The following PDE8B variants were observed in gnomAD, a reference collection of about 807,000 sequenced individuals.
PDE8B encodes the protein phosphodiesterase 8B, also known as high affinity cAMP-specific and IBMX-insensitive 3',5'-cyclic phosphodiesterase 8B.
Under a neutral mutation model 101.3 loss-of-function variants are expected in PDE8B, and 26 were observed. That is an observed-to-expected ratio of 0.26 (90% CI 0.19 to 0.36). The LOEUF is 0.36. Among genes scored for constraint, PDE8B ranks in the 10% least tolerant of loss-of-function variants. PDE8B has a pLI of 1.00. For synonymous variants in PDE8B, 424 were observed against 429.3 expected, an observed-to-expected ratio of 0.99 and a Z score of 0.15; for missense variants, 810 against 1,163.1, an observed-to-expected ratio of 0.70 and a Z score of 4.42.
chr5:77,212,639 G>C (rs1293818771), intron 1 of PDE8B, among the ~76,000 whole-genome samples: 1 of 152,138 alleles, frequency 6.6e-6, no homozygotes, highest in Non-Finnish European at 1.5e-5. Context: ...TCTTAGCATA[G>C]CATGTCTGAA....
intron 10 of PDE8B, among the ~76,000 whole-genome samples, chr5:77,365,103 C>T (rs1023467128): frequency 2.0e-5 from 3 of 152,166 alleles, no homozygotes; most frequent in African/African-American, 7.2e-5. Flanking sequence ...ACAGCAGCTC[C>T]TTCAGCACCT....
the PDE8B span, chr5:77,145,531 G>C: frequency 1.3e-5 from 2 of 152,120 alleles, no homozygotes; most frequent in Non-Finnish European, 2.9e-5. Flanking sequence ...TCATACAAAG[G>C]GCCCTCTCCA....
chr5:77,290,304 T>C (rs1266923602), intron 1 of PDE8B: 52 of 1,539,054 alleles, frequency 3.4e-5, no homozygotes, highest in Non-Finnish European at 4.4e-5. Flanking sequence ...CCAGTATGCA[T>C]GGCTGAAAGA....
chr5:77,099,980 T>A, the PDE8B span, among the ~76,000 whole-genome samples: 1 of 152,214 alleles, frequency 6.6e-6, no homozygotes, highest in Non-Finnish European at 1.5e-5. Flanking sequence ...GCTCTTTTCC[T>A]ATGGAAATCA....
chr5:77,393,904 T>A (rs985814747), intron 10 of PDE8B, among the ~76,000 whole-genome samples: 13 of 152,220 alleles, frequency 8.5e-5, no homozygotes, highest in African/African-American at 3.1e-4. Flanking sequence ...AGTTAGTCTT[T>A]CCAAAGGACT....
rs545658036 is a variant in PDE8B, at chr5:77,282,327, G to A, written c.340-29667G>A. On this transcript the variant is annotated intron_variant, in intron 1 of 21. Transcript: ENST00000264917. ...ATTCAGCTCTCTCCCAGCAGGATAA[G>A]TGCAGCTCAGGAACCCAAGCAGAGG... Among the ~76,000 whole-genome samples the A allele has an allele frequency of 6.1e-4, 93 of 152,106 alleles. 3 individuals carry two copies. Among genetic ancestry groups the A allele is most frequent in the African/African-American group, 2.4e-5 (1 of 41,512 alleles).
At position 77,331,479 on chromosome 5, in the gene PDE8B, C is replaced by G; in HGVS notation, c.708+20C>G. 6.3e-7 allele frequency: 1 copy of G among 1,595,256 alleles called. No homozygotes were observed. The highest frequency in any genetic ancestry group is 8.6e-7 in the Non-Finnish European group (1 of 1,163,302). Reference sequence around the variant, plus strand: ...AACAGGGTATGTACAAGATATCCAGCATCTCTCTCAGTTGCAGGCACCTTA... The same window carrying G: ...AACAGGGTATGTACAAGATATCCAGGATCTCTCTCAGTTGCAGGCACCTTA... On this transcript the variant is annotated intron_variant, in intron 5 of 21. Coordinates refer to ENST00000264917, the MANE Select transcript of PDE8B (RefSeq NM_003719.5).
chr5:77,136,414 G>T, the PDE8B span, among the ~76,000 whole-genome samples: 2 of 152,186 alleles, frequency 1.3e-5, no homozygotes, highest in African/African-American at 4.8e-5. Context: ...CCAGCTAAAT[G>T]ACAAGTCTGT....
intron 10 of PDE8B, among the ~76,000 whole-genome samples, chr5:77,371,180 C>T (rs1305118365): frequency 6.6e-6 from 1 of 152,000 alleles, no homozygotes; most frequent in African/African-American, 2.4e-5. Flanking sequence ...TGTGACCTAC[C>T]TAAGAAAACT....
intron 1 of PDE8B, among the ~76,000 whole-genome samples, chr5:77,308,748 G>A (rs1175216721): frequency 6.6e-6 from 1 of 152,122 alleles, no homozygotes; most frequent in Non-Finnish European, 1.5e-5. Context: ...ACAATGCCTG[G>A]GTCAGAGGGA....
intron 1 of PDE8B, among the ~76,000 whole-genome samples, chr5:77,292,484 C>G (rs146193553): frequency 6.6e-6 from 1 of 152,202 alleles, no homozygotes; most frequent in Non-Finnish European, 1.5e-5. Flanking sequence ...CAGTGTTCCT[C>G]TCCCTCTAGC....
chr5:77,390,042 C>T (rs774949293), intron 10 of PDE8B, among the ~76,000 whole-genome samples: 2 of 152,170 alleles, frequency 1.3e-5, no homozygotes, highest in Non-Finnish European at 2.9e-5. Context: ...CAATTTTATA[C>T]TCCCTCCAAC....
At chr5:77,405,643 G>A (rs1039034441) in intron 12 of PDE8B, among the ~76,000 whole-genome samples, 1 of 152,102 alleles carries the variant, frequency 6.6e-6, no homozygotes, top group African/African-American at 2.4e-5. Flanking sequence ...CAGCCAGGGG[G>A]TGGGCAGTGG....
intron 1 of PDE8B, among the ~76,000 whole-genome samples, chr5:77,235,780 G>A (rs1473238494): frequency 1.3e-5 from 2 of 148,874 alleles, no homozygotes; most frequent in Non-Finnish European, 3.0e-5. Flanking sequence ...CCTAATATGT[G>A]TCAGTCAATG....
At chr5:77,255,941 T>C (rs970371658) in intron 1 of PDE8B, among the ~76,000 whole-genome samples, 1 of 152,174 alleles carries the variant, frequency 6.6e-6, no homozygotes. Context: ...GGAGCCCTCA[T>C]TTTCATCTTG....
chr5:77,328,425 C>T (rs571139066), intron 3 of PDE8B, among the ~76,000 whole-genome samples: 2 of 152,272 alleles, frequency 1.3e-5, no homozygotes, highest in South Asian at 4.2e-4. Flanking sequence ...ATTTCTCAGC[C>T]CCAGCTGATG....
At chr5:77,103,708 A>C in the PDE8B span, among the ~76,000 whole-genome samples, 1 of 150,384 alleles carries the variant, frequency 6.6e-6, no homozygotes, top group East Asian at 1.9e-4. Context: ...GGGCATGAGC[A>C]ACCAGGATCA....
At chr5:77,147,909 A>G in the PDE8B span, 9 of 152,332 alleles carry the variant, frequency 5.9e-5, no homozygotes, top group Admixed American at 2.0e-4. Context: ...GCCAGACTCC[A>G]CAGAAGCTGG....
the PDE8B span, among the ~76,000 whole-genome samples, chr5:77,096,787 T>C: frequency 6.6e-6 from 1 of 152,228 alleles, no homozygotes; most frequent in Non-Finnish European, 1.5e-5. Flanking sequence ...TGTTCCTGGG[T>C]GTCTATGTCC....
Sources: allele counts gnomAD v4.1 joint callset (sites outside exome capture counted in the v4.1 genomes callset), GRCh38; gene constraint gnomAD v4.1.1; transcripts MANE v1.5; gene names NCBI Gene and HGNC (gene_info 2026-07-23, HGNC 2026-07-21).